PCDH15: variants seen among roughly 807,000 people sequenced by gnomAD.
PCDH15 encodes the protein protocadherin-15.
A neutral mutation model predicts 178.5 loss-of-function variants in PCDH15; 129 were observed. The observed-to-expected ratio is 0.72, with a 90% confidence interval of 0.63 to 0.84. The LOEUF (loss-of-function observed/expected upper bound fraction) is 0.84. Among genes scored for constraint, PCDH15 ranks in the 40% least tolerant of loss-of-function variants. PCDH15 has a pLI of 0.00. For synonymous variants in PCDH15, 800 were observed against 732.0 expected (o/e 1.09, Z -1.50); for missense variants, 2,230 against 2,099.9 (o/e 1.06, Z -1.21).
intron 2 of PCDH15, among the ~76,000 whole-genome samples, chr10:54,616,739 C>A (rs2093170015): frequency 6.6e-6 from 1 of 152,056 alleles, no homozygotes; most frequent in African/African-American, 2.4e-5. Context: ...AACTGGAACC[C>A]AAGAGACGTA....
chr10:54,635,680 A>C (rs1408494761), intron 2 of PCDH15, among the ~76,000 whole-genome samples: 1 of 151,858 alleles, frequency 6.6e-6, no homozygotes, highest in Non-Finnish European at 1.5e-5. Flanking sequence ...CTAAAATAAG[A>C]AAAATTATAT....
intron 3 of PCDH15, among the ~76,000 whole-genome samples, chr10:54,810,157 C>CA (rs1952840648): frequency 6.6e-6 from 1 of 152,098 alleles, no homozygotes; most frequent in Admixed American, 6.5e-5. Flanking sequence ...AAATAATAAA[C>CA]AGAGTACTGG....
intron 2 of PCDH15, among the ~76,000 whole-genome samples, chr10:55,004,781 A>G (rs1839883653): frequency 6.6e-6 from 1 of 152,174 alleles, no homozygotes; most frequent in African/African-American, 2.4e-5. Context: ...TGCAGTGAGC[A>G]GGAAGACCTA....
chr10:54,926,710 T>G (rs1837637350), intron 2 of PCDH15, among the ~76,000 whole-genome samples: 1 of 152,098 alleles, frequency 6.6e-6, no homozygotes, highest in Admixed American at 6.6e-5. Context: ...AATCTATCCA[T>G]TCCTTCTAGA....
chr10:54,595,767 C>T (rs1412070378), intron 2 of PCDH15, among the ~76,000 whole-genome samples: 1 of 151,844 alleles, frequency 6.6e-6, no homozygotes, highest in Non-Finnish European at 1.5e-5. Context: ...AACAAACAAA[C>T]AAAAAACATA....
intron 15 of PCDH15, among the ~76,000 whole-genome samples, chr10:54,094,320 C>T (rs752287197): frequency 1.3e-5 from 2 of 152,142 alleles, no homozygotes; most frequent in African/African-American, 2.4e-5. Flanking sequence ...TCTTTATACG[C>T]GTTGCTCAAC....
intron 2 of PCDH15, among the ~76,000 whole-genome samples, chr10:55,000,100 G>A (rs1289575135): frequency 2.0e-5 from 3 of 152,164 alleles, no homozygotes; most frequent in Non-Finnish European, 2.9e-5. Flanking sequence ...ATCTTATCAG[G>A]AGACATGGTT....
chr10:54,192,913 C>A (rs2049179431), intron 11 of PCDH15, among the ~76,000 whole-genome samples: 1 of 152,070 alleles, frequency 6.6e-6, no homozygotes, highest in South Asian at 2.1e-4. Flanking sequence ...AGACACATAC[C>A]AAGGCAGCAA....
At chr10:54,655,431 GTGTGT>G (rs1565867540) in intron 2 of PCDH15, 7 of 24,510 alleles carry the variant, frequency 2.9e-4, no homozygotes, top group East Asian at 1.6e-3. Context: ...GTGGTGGGGT[GTGTGT>G]GTGTGTGTGT....
rs541434554 is a variant in PCDH15 at position 55,620,397 on chromosome 10, C to T, written c.-156+7228G>A. 2.0e-4 allele frequency among the ~76,000 whole-genome samples: 31 copies of T among 151,704 alleles called. 1 individual carries two copies. Among genetic ancestry groups the T allele is most frequent in the African/African-American group, 7.2e-4 (30 of 41,428 alleles). Reference sequence around the variant, plus strand: ...TAAAAATAGAGAATAGATTATATTCCCTCACATTTGTACAAAATGGTCAGC... The same window carrying T: ...TAAAAATAGAGAATAGATTATATTCTCTCACATTTGTACAAAATGGTCAGC... On this transcript the variant is annotated intron_variant, in intron 2 of 5. Transcript: ENST00000613346.
intron 2 of PCDH15, among the ~76,000 whole-genome samples, chr10:55,623,176 T>C (rs1003501381): frequency 6.6e-6 from 1 of 152,176 alleles, no homozygotes; most frequent in African/African-American, 2.4e-5. Context: ...CACAAGTTAT[T>C]TCTTATTTGT....
chr10:54,490,106 C>T (rs1353608860), intron 3 of PCDH15, among the ~76,000 whole-genome samples: 2 of 152,154 alleles, frequency 1.3e-5, no homozygotes, highest in African/African-American at 4.8e-5. Context: ...GAGGAACAAG[C>T]ATGGCTGTCA....
At chr10:53,958,477 T>C (rs2087859192) in intron 23 of PCDH15, among the ~76,000 whole-genome samples, 1 of 152,218 alleles carries the variant, frequency 6.6e-6, no homozygotes, top group African/African-American at 2.4e-5. Context: ...TGATCTTATT[T>C]CTACCATTGT....
At chr10:54,226,925 T>C (rs2053520311) in intron 9 of PCDH15, among the ~76,000 whole-genome samples, 1 of 152,196 alleles carries the variant, frequency 6.6e-6, no homozygotes, top group Admixed American at 6.5e-5. Context: ...CACATCCAGG[T>C]CACACTGATG....
rs115103431 is a variant in PCDH15, at chr10:55,367,466, T to A, written c.-155-200815A>T. 5.6e-3 allele frequency among the ~76,000 whole-genome samples: 853 copies of A among 151,986 alleles called. 10 individuals are homozygous for A. The highest frequency in any genetic ancestry group is 0.02 in the African/African-American group (814 of 41,480). ...CATGGTGCTGCGTGCCTGGAGTCCCTGCTACTTGGGAGGCTGAGGTGGGAA... is the reference window on the plus strand; with the variant it reads ...CATGGTGCTGCGTGCCTGGAGTCCCAGCTACTTGGGAGGCTGAGGTGGGAA... On this transcript the variant is annotated intron_variant, in intron 2 of 5. Coordinates refer to the PCDH15 transcript ENST00000613346.
intron 9 of PCDH15, among the ~76,000 whole-genome samples, chr10:54,217,578 C>T (rs945521488): frequency 1.5e-4 from 23 of 152,106 alleles, no homozygotes; most frequent in East Asian, 3.9e-4. Flanking sequence ...AAATAGAACA[C>T]CTATGGTTTT....
chr10:55,175,239 A>G (rs1839447345), intron 1 of PCDH15, among the ~76,000 whole-genome samples: 1 of 152,174 alleles, frequency 6.6e-6, no homozygotes, highest in Non-Finnish European at 1.5e-5. Context: ...ACTATCCATG[A>G]TAGACTAGGG....
intron 3 of PCDH15, among the ~76,000 whole-genome samples, chr10:54,410,820 G>A (rs1158180245): frequency 1.3e-5 from 2 of 152,078 alleles, no homozygotes; most frequent in East Asian, 1.9e-4. Context: ...CAAGGCAACA[G>A]TTACTTTCAA....
intron 1 of PCDH15, among the ~76,000 whole-genome samples, chr10:55,307,419 C>T (rs1385326914): frequency 6.6e-6 from 1 of 151,544 alleles, no homozygotes; most frequent in Non-Finnish European, 1.5e-5. Context: ...AGGAGAATGG[C>T]GTGAACCCGG....
Sources: gnomAD v4.1 joint callset for allele counts (sites outside exome capture counted in the v4.1 genomes callset) on GRCh38, gnomAD v4.1.1 for gene constraint, MANE v1.5 for transcripts, NCBI Gene and HGNC (gene_info 2026-07-23, HGNC 2026-07-21) for gene names.